The following IL1RAPL2 variants were observed in gnomAD, a reference collection of about 807,000 sequenced individuals.
The protein encoded by IL1RAPL2 is X-linked interleukin-1 receptor accessory protein-like 2.
A neutral mutation model predicts 44.1 loss-of-function variants in IL1RAPL2; 3 were observed. The ratio of observed to expected loss-of-function variants is 0.07; its 90% CI spans 0.03 to 0.18. The LOEUF (loss-of-function observed/expected upper bound fraction) is 0.18, where lower values mean the gene tolerates loss of function less well. Ranked by LOEUF, IL1RAPL2 falls within the 10% of genes least tolerant of loss-of-function variation. The pLI, the probability that IL1RAPL2 is intolerant of heterozygous loss-of-function variation, is 1.00. For missense variants in IL1RAPL2, 391 were observed against 496.4 expected (o/e 0.79, Z 2.02); for synonymous variants, 181 against 178.8 (o/e 1.01, Z -0.10).
chrX:105,386,691 C>T (rs945140959), intron 5 of IL1RAPL2, among the ~76,000 whole-genome samples: 1 of 111,541 alleles, frequency 9.0e-6, no homozygotes, highest in African/African-American at 3.2e-5. Flanking sequence ...CCTCCCGAAA[C>T]TCTAGTTTGA....
At chrX:105,505,325 AG>A (rs772927253) in intron 6 of IL1RAPL2, among the ~76,000 whole-genome samples, 1 of 111,955 alleles carries the variant, frequency 8.9e-6, no homozygotes, top group Non-Finnish European at 1.9e-5. Context: ...ACTGTCTAGC[AG>A]GGGAGACAGA....
intron 2 of IL1RAPL2, among the ~76,000 whole-genome samples, chrX:105,071,911 T>C (rs2032211985): frequency 8.9e-6 from 1 of 111,915 alleles, no homozygotes; most frequent in Admixed American, 9.5e-5. Flanking sequence ...ATTGTAAAGA[T>C]ACTGGAAGAA....
intron 2 of IL1RAPL2, among the ~76,000 whole-genome samples, chrX:104,959,186 A>G (rs1258085714): frequency 9.0e-6 from 1 of 111,124 alleles, no homozygotes; most frequent in African/African-American, 3.3e-5. Flanking sequence ...AACTTCTCTC[A>G]TGCTAGGGAA....
chrX:105,632,116 C>A lies in IL1RAPL2; in HGVS notation c.773-85251C>A, dbSNP rs190131503. Among the ~76,000 whole-genome samples, 455 of 109,729 alleles carry A rather than the reference C, an allele frequency of 4.1e-3. 2 individuals are homozygous for A. The highest frequency in any genetic ancestry group is 0.014 in the African/African-American group (431 of 30,146). ...TGTCTGAACTCACTATGGCTTAACT[C>A]GGCTGACAGCCACAAAAAACTAAAG... On this transcript the variant is annotated intron_variant, in intron 6 of 10. Transcript: ENST00000372582.
chrX:105,329,058 G>C (rs999176661), intron 5 of IL1RAPL2, among the ~76,000 whole-genome samples: 1 of 112,171 alleles, frequency 8.9e-6, no homozygotes, highest in Non-Finnish European at 1.9e-5. Flanking sequence ...CATAGCAAAG[G>C]CTATTTATTT....
intron 2 of IL1RAPL2, among the ~76,000 whole-genome samples, chrX:104,870,536 C>T (rs1922733513): frequency 8.9e-6 from 1 of 112,076 alleles, no homozygotes; most frequent in Non-Finnish European, 1.9e-5. Context: ...AAATCCGCAG[C>T]ATAAATCAGG....
intron 6 of IL1RAPL2, among the ~76,000 whole-genome samples, chrX:105,562,078 TCTGA>T (rs988884629): frequency 9.0e-6 from 1 of 111,493 alleles, no homozygotes; most frequent in Non-Finnish European, 1.9e-5. Flanking sequence ...ATAGAATTGT[TCTGA>T]CTGTCACTGA....
chrX:105,573,651 T>C (rs1435775480), intron 6 of IL1RAPL2, among the ~76,000 whole-genome samples: 1 of 110,302 alleles, frequency 9.1e-6, no homozygotes, highest in Non-Finnish European at 1.9e-5. Flanking sequence ...TGGGTAGTGG[T>C]ACCATTCTCA....
intron 2 of IL1RAPL2, among the ~76,000 whole-genome samples, chrX:104,966,846 A>G (rs753994418): frequency 8.9e-6 from 1 of 112,539 alleles, no homozygotes; most frequent in Non-Finnish European, 1.9e-5. Flanking sequence ...ATGAATGAAC[A>G]TATCTTTTTC....
chrX:105,089,103 A>C (rs1427542461), intron 2 of IL1RAPL2, among the ~76,000 whole-genome samples: 1 of 111,605 alleles, frequency 9.0e-6, no homozygotes. Flanking sequence ...GCAGACCATA[A>C]AAAGTATAAT....
intron 2 of IL1RAPL2, among the ~76,000 whole-genome samples, chrX:104,841,748 T>G (rs1310230176): frequency 8.9e-6 from 1 of 112,009 alleles, no homozygotes; most frequent in Admixed American, 9.5e-5. Context: ...GGTTTTCTGC[T>G]GAGAGACCCA....
At chrX:104,799,891 G>A (rs1168190992) in intron 2 of IL1RAPL2, among the ~76,000 whole-genome samples, 2 of 111,332 alleles carry the variant, frequency 1.8e-5, no homozygotes, top group Non-Finnish European at 3.8e-5. Flanking sequence ...TGGTCACCAT[G>A]AAGTGCAATA....
At chrX:105,092,547 G>A (rs6621922) in intron 2 of IL1RAPL2, among the ~76,000 whole-genome samples, 3 of 110,579 alleles carry the variant, frequency 2.7e-5, no homozygotes, top group South Asian at 7.7e-4. Flanking sequence ...ATTGAGACTC[G>A]ATTACCTAGG....
intron 4 of IL1RAPL2, among the ~76,000 whole-genome samples, chrX:105,248,662 T>A (rs1295380800): frequency 9.0e-6 from 1 of 111,249 alleles, no homozygotes; most frequent in African/African-American, 3.3e-5. Context: ...AAACCTAATC[T>A]AATTTGAAAA....
At chrX:105,208,443 C>T (rs1340689737) in intron 3 of IL1RAPL2, among the ~76,000 whole-genome samples, 1 of 112,046 alleles carries the variant, frequency 8.9e-6, no homozygotes, top group Non-Finnish European at 1.9e-5. Flanking sequence ...CCAGTTTTCT[C>T]ACAGGTGTTG....
chrX:105,719,220 G>A (rs771380642), intron 7 of IL1RAPL2, among the ~76,000 whole-genome samples: 2 of 111,368 alleles, frequency 1.8e-5, no homozygotes, highest in East Asian at 2.9e-4. Flanking sequence ...CATAAAAAAC[G>A]AAATATTGGC....
chrX:105,011,322 G>T (rs57467011), intron 2 of IL1RAPL2, among the ~76,000 whole-genome samples: 1,935 of 111,197 alleles, frequency 0.017, 46 homozygotes, highest in African/African-American at 0.06. Flanking sequence ...TCTGAAAAAT[G>T]TTTCAGCTTT....
chrX:105,764,183 A>G (rs2038710423), intron 10 of IL1RAPL2, among the ~76,000 whole-genome samples: 1 of 111,568 alleles, frequency 9.0e-6, no homozygotes, highest in African/African-American at 3.3e-5. Context: ...CACCCCGTGT[A>G]GCTAAGTATA....
chrX:105,479,755 TAATAA>T (rs749634925), intron 5 of IL1RAPL2, among the ~76,000 whole-genome samples: 57 of 105,399 alleles, frequency 5.4e-4, no homozygotes, highest in South Asian at 1.6e-3. Context: ...ATAAATAAAA[TAATAA>T]AATAAAATAA....
Sources: gnomAD v4.1 joint callset for allele counts (sites outside exome capture counted in the v4.1 genomes callset) on GRCh38, gnomAD v4.1.1 for gene constraint, MANE v1.5 for transcripts, NCBI Gene and HGNC (gene_info 2026-07-23, HGNC 2026-07-21) for gene names.